TMEM116: variants seen among roughly 807,000 people sequenced by gnomAD.
The protein encoded by TMEM116 is transmembrane protein 116.
In TMEM116, 38 loss-of-function variants were observed where a neutral mutation model predicts 44.3. That is an observed-to-expected ratio of 0.86 (90% CI 0.66 to 1.12). The LOEUF (loss-of-function observed/expected upper bound fraction) is 1.12. TMEM116 is among the 50% of genes most tolerant of loss of function. TMEM116 has a pLI of 0.00. For missense variants in TMEM116, 354 were observed against 401.7 expected (o/e 0.88, Z 1.01); for synonymous variants, 132 against 144.8 (o/e 0.91, Z 0.64).
intron 4 of TMEM116, among the ~76,000 whole-genome samples, chr12:111,981,698 G>A (rs2075951738): frequency 6.6e-6 from 1 of 152,110 alleles, no homozygotes; most frequent in African/African-American, 2.4e-5. Context: ...AAAGAGGCTG[G>A]GGAAGGAAAT....
intron 3 of TMEM116, 170 bp downstream of exon 3, chr12:112,003,630 G>C: frequency 1.4e-6 from 1 of 727,784 alleles, no homozygotes; most frequent in Non-Finnish European, 2.0e-6. Context: ...TAATTACCTA[G>C]AAGAAAAGGG....
In TMEM116 at chr12:111,950,116, AAAAACAAAAC is replaced by A. The variant is rs372065144; in HGVS notation, c.211-6757_211-6748del. ...GGTGACAACAGTGAGACTCCCTCTC[AAAAACAAAAC>A]AAAACAAAACAAAACAAAAAAAACA... On this transcript the variant is annotated intron_variant, in intron 4 of 10. Transcript: ENST00000552374. 1.1e-4 allele frequency among the ~76,000 whole-genome samples: 17 copies of A among 151,600 alleles called. No individual in the cohort carries two copies. The South Asian group carries it at 3.2e-3, about 28-fold the overall frequency.
intron 8 of TMEM116, chr12:111,935,626 G>GTGTGTA (rs2072087509): frequency 6.8e-6 from 1 of 147,868 alleles, no homozygotes; most frequent in Admixed American, 8.0e-5. Flanking sequence ...GTGTGTGTGT[G>GTGTGTA]TGTGTGTGTG....
At chr12:111,947,857 C>T (rs1302202052) in intron 4 of TMEM116, among the ~76,000 whole-genome samples, 1 of 152,008 alleles carries the variant, frequency 6.6e-6, no homozygotes, top group Non-Finnish European at 1.5e-5. Context: ...CAAGATAAAA[C>T]CAAAAAATTA....
chr12:111,940,529 A>ATATATATATACACATATATATGTG (rs1230033138), intron 5 of TMEM116, among the ~76,000 whole-genome samples: 1 of 119,156 alleles, frequency 8.4e-6, no homozygotes, highest in Non-Finnish European at 1.6e-5. Context: ...ATGTGTATAT[A>ATATATATATACACATATATATGTG]TATATATATA....
Position 111,933,910 on chromosome 12 carries a change from C to T in TMEM116, c.709G>A (p.Ala237Thr). Residue 237 changes from alanine to threonine, a missense_variant, in exon 9 of 11, where the codon GCC becomes ACC. By Grantham distance (58) the Ala-to-Thr change is moderately conservative. Transcript: ENST00000552374. Reference sequence around the variant, plus strand: ...CCTGGGCCCCAGCAGCAAAAGAAGGCCACTGGGTAGAAGCGCACCCGTTGG... The same window carrying T: ...CCTGGGCCCCAGCAGCAAAAGAAGGTCACTGGGTAGAAGCGCACCCGTTGG... ...VDQRVRFYPV[A>T]FFCCWGPAVI... The T allele has an allele frequency of 6.2e-7, 1 of 1,614,050 alleles. No homozygotes were observed. The highest frequency in any genetic ancestry group is 8.5e-7 in the Non-Finnish European group (1 of 1,180,010).
chr12:111,957,211 T>G (rs1198509256), intron 4 of TMEM116, among the ~76,000 whole-genome samples: 2 of 149,584 alleles, frequency 1.3e-5, no homozygotes, highest in Non-Finnish European at 3.0e-5. Flanking sequence ...GCCCATCATC[T>G]GGGATGTGGG....
At chr12:111,937,475 G>A (rs1196849867) in intron 6 of TMEM116, among the ~76,000 whole-genome samples, 3 of 152,166 alleles carry the variant, frequency 2.0e-5, no homozygotes, top group Non-Finnish European at 4.4e-5. Flanking sequence ...GCTAATGAAC[G>A]CTACCATAGT....
intron 1 of TMEM116, among the ~76,000 whole-genome samples, chr12:112,008,818 A>C (rs2077704910): frequency 6.6e-6 from 1 of 152,004 alleles, no homozygotes; most frequent in Admixed American, 6.6e-5. Flanking sequence ...CTAAATACAA[A>C]TAAATACATA....
chr12:111,967,786 C>T (rs2075067020), intron 4 of TMEM116, among the ~76,000 whole-genome samples: 1 of 152,128 alleles, frequency 6.6e-6, no homozygotes, highest in African/African-American at 2.4e-5. Context: ...ACTGTATTTA[C>T]TCTCCTAGCA....
rs2071949953 is a variant in TMEM116, at chr12:111,934,374, T to C, written c.589-344A>G. 7 of 196,148 alleles carry C rather than the reference T, an allele frequency of 3.6e-5. 1 individual carries two copies. In the South Asian group the frequency reaches 7.4e-4, roughly 21 times the overall value. 12.2% of individuals were successfully genotyped at this position (196,148 alleles called of 1,614,324 possible). ...CTCTAACTAGTTCCTCTTAAAACAC[T>C]TTATTAGAGATTTTGTTAGAAAGTG... is the stretch of plus-strand genomic sequence containing the variant. On this transcript the variant is annotated intron_variant, in intron 8 of 10. Transcript: ENST00000552374.
At chr12:112,008,045 G>C (rs1009891150) in intron 1 of TMEM116, among the ~76,000 whole-genome samples, 1 of 152,166 alleles carries the variant, frequency 6.6e-6, no homozygotes, top group East Asian at 1.9e-4. Flanking sequence ...TTAGCAAAAA[G>C]CTCCTTGCAT....
At chr12:111,935,474 A>G (rs369876129) in intron 8 of TMEM116, 6 of 152,230 alleles carry the variant, frequency 3.9e-5, no homozygotes, top group African/African-American at 1.4e-4. Flanking sequence ...TAAAGAAGCA[A>G]TCAGGAATCC....
chr12:111,970,457 T>G (rs1718860326), intron 4 of TMEM116, among the ~76,000 whole-genome samples: 1 of 152,026 alleles, frequency 6.6e-6, no homozygotes, highest in Non-Finnish European at 1.5e-5. Context: ...TTCAAATATT[T>G]GAAGAAATAG....
In TMEM116 at chr12:111,991,234, A is replaced by AC. The variant is rs1474098684; in HGVS notation, c.210+523_210+524insG. 1.9e-3 allele frequency among the ~76,000 whole-genome samples: 293 copies of AC among 150,634 alleles called. 1 individual carries two copies. The highest frequency in any genetic ancestry group is 3.4e-3 in the Non-Finnish European group (232 of 67,630). Reference sequence around the variant, plus strand: ...CTCTGTCTCAAAAAAAAAAAAAAAAAAAAAACGGCTGGGTGCGGTGGCTCA... The same window carrying AC: ...CTCTGTCTCAAAAAAAAAAAAAAAAACAAAAACGGCTGGGTGCGGTGGCTCA... On this transcript the variant is annotated intron_variant, in intron 4 of 10. Coordinates refer to ENST00000552374, the MANE Select transcript of TMEM116 (RefSeq NM_001193531.2).
At chr12:111,987,963 A>G (rs1007976206) in intron 4 of TMEM116, among the ~76,000 whole-genome samples, 9 of 152,236 alleles carry the variant, frequency 5.9e-5, no homozygotes, top group Non-Finnish European at 1.3e-4. Context: ...AATGTGGTCT[A>G]TCCATACAAT....
At chr12:111,934,092 C>G (rs1593257688) in intron 8 of TMEM116, 62 bp from the exon 9 acceptor site, 6 of 1,542,628 alleles carry the variant, frequency 3.9e-6, no homozygotes, top group Middle Eastern at 1.7e-4. Context: ...CCAGGTCTAT[C>G]CTCCTATCAT....
intron 4 of TMEM116, among the ~76,000 whole-genome samples, chr12:111,969,436 C>T (rs1279633897): frequency 1.3e-5 from 2 of 151,518 alleles, no homozygotes; most frequent in South Asian, 2.1e-4. Context: ...ACTCTGTTGC[C>T]CAGGCTGGAG....
chr12:111,999,345 C>T lies in TMEM116; in HGVS notation c.78+4455G>A, dbSNP rs11066122. ...GGGCGCGGTGACTCACGCCTGTAATCCCAGCACTTTGGGAGGCCAAGGCGG... is the reference window on the plus strand; with the variant it reads ...GGGCGCGGTGACTCACGCCTGTAATTCCAGCACTTTGGGAGGCCAAGGCGG... On this transcript the variant is annotated intron_variant, in intron 3 of 10. Coordinates refer to ENST00000552374, the MANE Select transcript of TMEM116 (RefSeq NM_001193531.2). 0.042 allele frequency among the ~76,000 whole-genome samples: 6,394 copies of T among 152,150 alleles called. 1,211 individuals carry two copies. The East Asian group carries it at 0.61, about 14-fold the overall frequency.
Sources: gnomAD v4.1 joint callset for allele counts (sites outside exome capture counted in the v4.1 genomes callset) on GRCh38, gnomAD v4.1.1 for gene constraint, MANE v1.5 for transcripts, NCBI Gene and HGNC (gene_info 2026-07-23, HGNC 2026-07-21) for gene names.